Variants in ZNF569 observed in about 807,000 individuals in gnomAD.
The protein encoded by ZNF569 is DNA-binding protein.
ZNF569 carries 38 observed loss-of-function variants against 56.3 expected under a neutral mutation model. That is an observed-to-expected ratio of 0.68 (90% CI 0.52 to 0.88). The LOEUF is 0.88. Ranked by LOEUF, ZNF569 falls within the 40% of genes least tolerant of loss-of-function variation. The probability of loss-of-function intolerance (pLI) is 0.00; values close to 1 mark genes in which losing one functional copy is unlikely to be tolerated. For missense variants in ZNF569, 666 were observed against 809.2 expected (o/e 0.82, Z 2.15); for synonymous variants, 241 against 262.9 (o/e 0.92, Z 0.81).
intron 2 of ZNF569, among the ~76,000 whole-genome samples, chr19:37,450,591 C>T (rs2041575719): frequency 6.6e-6 from 1 of 151,972 alleles, no homozygotes; most frequent in South Asian, 2.1e-4. Flanking sequence ...TTCCAAATAC[C>T]AACTGTTAGT....
chr19:37,433,062 C>T (rs917955556), intron 3 of ZNF569, among the ~76,000 whole-genome samples: 3 of 151,922 alleles, frequency 2.0e-5, no homozygotes, highest in South Asian at 2.1e-4. Flanking sequence ...TGCCACCATA[C>T]CTAACTAAGT....
chr19:37,454,878 C>T (rs1350146923), intron 2 of ZNF569: 5 of 702,348 alleles, frequency 7.1e-6, no homozygotes, highest in Non-Finnish European at 1.0e-5. Context: ...GTAAGTAAAG[C>T]TTGAGTCCTG....
intron 3 of ZNF569, among the ~76,000 whole-genome samples, 162 bp from the exon 4 acceptor site, chr19:37,426,540 T>A (rs2041136796): frequency 6.6e-6 from 1 of 152,254 alleles, no homozygotes; most frequent in Non-Finnish European, 1.5e-5. Flanking sequence ...AGCAAGCACA[T>A]GTCTTTAATA....
chr19:37,445,158 G>T (rs537747057), intron 2 of ZNF569, among the ~76,000 whole-genome samples, 194 bp from the exon 3 acceptor site: 1 of 152,278 alleles, frequency 6.6e-6, no homozygotes, highest in South Asian at 2.1e-4. Flanking sequence ...CTTGGGCACA[G>T]GGTGGATAGA....
chr19:37,454,212 G>A (rs887239484), intron 2 of ZNF569, among the ~76,000 whole-genome samples: 2 of 152,120 alleles, frequency 1.3e-5, no homozygotes, highest in Admixed American at 6.5e-5. Flanking sequence ...TTTTCTCAAT[G>A]CATGTTTCTC....
rs562096494 is a variant in ZNF569, at chr19:37,448,165, C to T, written c.-43-3201G>A. Among the ~76,000 whole-genome samples the T allele has an allele frequency of 1.6e-3, 244 of 152,210 alleles. 1 individual carries two copies. Among genetic ancestry groups the T allele is most frequent in the Non-Finnish European group, 3.0e-3 (201 of 68,002 alleles). ...TGTATAGAATCATTAGAATTTCTTCCGTAGATGTTTAGTACTTCACCTGGG... is the reference window on the plus strand; with the variant it reads ...TGTATAGAATCATTAGAATTTCTTCTGTAGATGTTTAGTACTTCACCTGGG... On this transcript the variant is annotated intron_variant, in intron 2 of 5. Transcript: ENST00000316950.
chr19:37,448,752 AC>A (rs2041542962), intron 2 of ZNF569, among the ~76,000 whole-genome samples: 1 of 151,130 alleles, frequency 6.6e-6, no homozygotes, highest in Admixed American at 6.6e-5. Context: ...TTTAGTAGAG[AC>A]GGGGTTTCAC....
rs191095496 is a variant in ZNF569, at chr19:37,420,889, A to G, written c.238+4979T>C. Among the ~76,000 whole-genome samples, 54 of 152,370 alleles carry G rather than the reference A, an allele frequency of 3.5e-4. No homozygotes were observed. In the East Asian group the frequency reaches 0.01, roughly 29 times the overall value. Reference sequence around the variant, plus strand: ...CATTACAGAATGTATTTCGTAAATAATAAGACTTGAAAGTCAAAATTACTG... The same window carrying G: ...CATTACAGAATGTATTTCGTAAATAGTAAGACTTGAAAGTCAAAATTACTG... On this transcript the variant is annotated intron_variant, in intron 5 of 5. Coordinates refer to ENST00000316950, the MANE Select transcript of ZNF569 (RefSeq NM_152484.3).
At position 37,467,161 on chromosome 19, in the gene ZNF569, AG is replaced by A. The variant is rs1477371531; in HGVS notation, c.-283del. 1 of 152,264 alleles carries A rather than the reference AG, an allele frequency of 6.6e-6. No individual in the cohort carries two copies. The highest frequency in any genetic ancestry group is 1.5e-5 in the Non-Finnish European group (1 of 68,122). 9.4% of individuals were successfully genotyped at this position (152,264 alleles called of 1,614,324 possible). ...GCAGAGCCGGCGCGGGCTGGGACAG[AG>A]GCGGCACTGAGGCCGGCGCTGTCGG... On this transcript the variant is annotated 5_prime_UTR_variant, in exon 1 of 6. Transcript: ENST00000316950.
At position 37,428,159 on chromosome 19, in the gene ZNF569, C is replaced by T. The variant is rs533829428; in HGVS notation, c.16-1781G>A. ...AAAAAGAATTTAGTAAATGCAAAAACAGAAACAATTTAAAGTGAAAAATTT... is the reference window on the plus strand; with the variant it reads ...AAAAAGAATTTAGTAAATGCAAAAATAGAAACAATTTAAAGTGAAAAATTT... On this transcript the variant is annotated intron_variant, in intron 3 of 5. Coordinates refer to ENST00000316950, the MANE Select transcript of ZNF569 (RefSeq NM_152484.3). 9.2e-5 allele frequency among the ~76,000 whole-genome samples: 14 copies of T among 152,174 alleles called. No homozygotes were observed. In the South Asian group the frequency reaches 2.9e-3, roughly 32 times the overall value.
chr19:37,417,100 A>G (rs376420538), intron 5 of ZNF569, among the ~76,000 whole-genome samples: 16 of 152,308 alleles, frequency 1.1e-4, no homozygotes, highest in African/African-American at 3.8e-4. Context: ...GTGAAGATGG[A>G]GAGACAGAGT....
intron 2 of ZNF569, among the ~76,000 whole-genome samples, chr19:37,461,649 A>AT (rs2041759402): frequency 6.6e-6 from 1 of 152,004 alleles, no homozygotes. Flanking sequence ...TTACAACCCA[A>AT]TAGTCCTTCA....
intron 5 of ZNF569, 22 bp downstream of exon 5, chr19:37,425,846 T>G (rs1050563764): frequency 1.8e-5 from 29 of 1,587,504 alleles, no homozygotes; most frequent in Non-Finnish European, 2.5e-5. Context: ...TCTCCTCACC[T>G]GTCTGGTTCC....
chr19:37,468,867 TC>T (rs201854255), upstream of ZNF569: 10 of 178,392 alleles, frequency 5.6e-5, no homozygotes, highest in African/African-American at 2.2e-4. Context: ...CCACCCTGCA[TC>T]CCCCCCACCC....
chr19:37,417,838 G>A (rs1257419534), intron 5 of ZNF569, among the ~76,000 whole-genome samples: 1 of 152,048 alleles, frequency 6.6e-6, no homozygotes, highest in African/African-American at 2.4e-5. Flanking sequence ...GGCCGGGTGC[G>A]ATGGCACACG....
Position 37,414,062 on chromosome 19 carries a change from A to T in ZNF569, c.596T>A (p.Leu199Ter). The change falls in exon 6 of 6, where the codon TTG (leucine) becomes TAG (stop). Residue 199 changes from leucine (L) to a stop codon, truncating the protein, a stop_gained. Transcript: ENST00000316950. LOFTEE classifies it high-confidence loss of function. ...AATTCTCAGATGTCTGATGAGGTCC[A>T]AAGTCTGATTGAAGCCTTTTCCACA... ...NHCGKGFNQTLDLIRHLRIHT... is the reference protein window; with the variant it reads ...NHCGKGFNQT 1 of 1,613,636 alleles carries T rather than the reference A, an allele frequency of 6.2e-7. No individual in the cohort carries two copies. The highest frequency in any genetic ancestry group is 8.5e-7 in the Non-Finnish European group (1 of 1,179,868).
At chr19:37,468,663 G>A (rs959777480), upstream of ZNF569, among the ~76,000 whole-genome samples, 1 of 152,122 alleles carries the variant, frequency 6.6e-6, no homozygotes, top group Non-Finnish European at 1.5e-5. Context: ...GTGCCACCAC[G>A]CCCGGCTAAT....
Position 37,415,652 on chromosome 19 carries a change from C to T in ZNF569, c.239-1233G>A, listed in dbSNP as rs928289912. Among the ~76,000 whole-genome samples, 161 of 150,794 alleles carry T rather than the reference C, an allele frequency of 1.1e-3. 2 individuals are homozygous for T. The highest frequency in any genetic ancestry group is 2.3e-3 in the African/African-American group (95 of 41,076). ...TTGGGAGGCCAAGGCGGGCGGATCG[C>T]GAGGTCAGGAGATTGAGACCATCCT... On this transcript the variant is annotated intron_variant, in intron 5 of 5. Transcript: ENST00000316950.
chr19:37,469,079 T>G, upstream of ZNF569: 9 of 1,022,370 alleles, frequency 8.8e-6, no homozygotes, highest in Non-Finnish European at 1.1e-5. Flanking sequence ...CACCAGCCCG[T>G]GTAGTGTGAC....
Sources: gnomAD v4.1 joint callset for allele counts (sites outside exome capture counted in the v4.1 genomes callset) on GRCh38, gnomAD v4.1.1 for gene constraint, MANE v1.5 for transcripts, NCBI Gene and HGNC (gene_info 2026-07-23, HGNC 2026-07-21) for gene names.